Variants in COX5A observed in about 807,000 individuals in gnomAD.
The protein encoded by COX5A is cytochrome c oxidase subunit 5A.
Under a neutral mutation model 16.1 loss-of-function variants are expected in COX5A, and 6 were observed. The ratio of observed to expected loss-of-function variants is 0.37; its 90% CI spans 0.20 to 0.73. The LOEUF (loss-of-function observed/expected upper bound fraction) is 0.73, where lower values mean the gene tolerates loss of function less well. COX5A is among the 30% of genes least tolerant of loss of function. The pLI, the probability that COX5A is intolerant of heterozygous loss-of-function variation, is 0.50. For missense variants in COX5A, 159 were observed against 194.9 expected (o/e 0.82, Z 1.10); for synonymous variants, 73 against 73.8 (o/e 0.99, Z 0.06).
chr15:74,933,451 CTAT>C (rs1566981977), intron 1 of COX5A, among the ~76,000 whole-genome samples: 1 of 129,968 alleles, frequency 7.7e-6, no homozygotes, highest in Non-Finnish European at 1.6e-5. Context: ...ATCTATCTAT[CTAT>C]CTATCTATCT....
Position 74,926,884 on chromosome 15 carries a change from A to C in COX5A, c.221T>G (p.Ile74Arg). Residue 74 changes from isoleucine (I) to arginine (R), a missense_variant, in exon 3 of 5, where the codon ATA (isoleucine) becomes AGA (arginine). Coordinates refer to ENST00000322347, the MANE Select transcript of COX5A (RefSeq NM_004255.4). ...CATATCATAGGTAACAAGTGTGTTT[A>C]TCCCTGCAAAATTAAAAAGAAGGGC... ...DIDAWELRKG[I>R]NTLVTYDMVP... The C allele has an allele frequency of 6.2e-7, 1 of 1,608,702 alleles. No homozygotes were observed. Among genetic ancestry groups the C allele is most frequent in the Non-Finnish European group, 8.5e-7 (1 of 1,178,328 alleles).
chr15:74,936,911 G>C (rs1289510216), intron 1 of COX5A, among the ~76,000 whole-genome samples: 1 of 152,084 alleles, frequency 6.6e-6, no homozygotes, highest in Non-Finnish European at 1.5e-5. Context: ...TTACAGGCAT[G>C]AGCCACCGCG....
intron 1 of COX5A, among the ~76,000 whole-genome samples, chr15:74,933,454 T>C (rs1214323631): frequency 7.4e-6 from 1 of 134,308 alleles, no homozygotes; most frequent in Admixed American, 7.7e-5. Context: ...TATCTATCTA[T>C]CTATCTATCT....
intron 1 of COX5A, 115 bp downstream of exon 1, chr15:74,937,800 A>T: frequency 3.2e-6 from 2 of 626,232 alleles, no homozygotes; most frequent in Middle Eastern, 4.9e-4. Flanking sequence ...CACCGGGTTC[A>T]GTAACCAGGG....
intron 1 of COX5A, among the ~76,000 whole-genome samples, chr15:74,935,628 T>TAA (rs1281222073): frequency 6.8e-6 from 1 of 148,128 alleles, no homozygotes; most frequent in Non-Finnish European, 1.5e-5. Context: ...AATAAATAAA[T>TAA]AAAAAATTTT....
chr15:74,922,048 TAAAC>T (rs2065323616), intron 4 of COX5A, among the ~76,000 whole-genome samples: 1 of 151,430 alleles, frequency 6.6e-6, no homozygotes, highest in Admixed American at 6.6e-5. Context: ...ATAAATAAAT[TAAAC>T]AAAAACAAAC....
Position 74,938,069 on chromosome 15 carries a change from G to A in COX5A, c.-55C>T, listed in dbSNP as rs905554956. The A allele has an allele frequency of 8.7e-6, 10 of 1,143,654 alleles. 1 individual carries two copies. The African/African-American group carries it at 1.4e-4, about 17-fold the overall frequency. The allele number at this position is 1,143,654 out of a possible 1,614,324, so 70.8% of individuals were successfully genotyped here. A position where few individuals can be genotyped will look rare whatever the true frequency, so the allele number is the denominator to read the frequency against. On this transcript the variant is annotated 5_prime_UTR_variant, in exon 1 of 5. Transcript: ENST00000322347. ...CAGAGAGAAGCCGGTGTAAGCTCGC[G>A]GGTTGCTCCGGAGCGGGCGGGGGCC...
chr15:74,923,716 G>A lies in COX5A; in HGVS notation c.394C>T (p.Pro132Ser), dbSNP rs145443833. ...GAGATTCCCAGTTCATTTAAAGTTGGTCTAAGTTCCTGGATGACATAGGGG... is the reference window on the plus strand; with the variant it reads ...GAGATTCCCAGTTCATTTAAAGTTGATCTAAGTTCCTGGATGACATAGGGG... ...IYPYVIQELR[P>S]TLNELGISTP... Residue 132 changes from proline to serine, a missense_variant, in exon 4 of 5, where the codon CCA (proline) becomes TCA (serine). Physicochemically the swap from Pro to Ser is moderately conservative, Grantham distance 74. Coordinates refer to ENST00000322347, the MANE Select transcript of COX5A (RefSeq NM_004255.4). 9 of 1,611,882 alleles carry A rather than the reference G, an allele frequency of 5.6e-6. No homozygotes were observed. The highest frequency in any genetic ancestry group is 1.3e-5 in the African/African-American group (1 of 74,966).
At chr15:74,923,316 T>C (rs1361752980) in intron 4 of COX5A, among the ~76,000 whole-genome samples, 1 of 151,860 alleles carries the variant, frequency 6.6e-6, no homozygotes, top group Non-Finnish European at 1.5e-5. Context: ...TCCCAGCTAC[T>C]TGGGAGGCTG....
In COX5A at chr15:74,938,068, C is replaced by A. The variant is rs2065400627; in HGVS notation, c.-54G>T. The A allele has an allele frequency of 1.8e-6, 2 of 1,142,364 alleles. No homozygotes were observed. The highest frequency in any genetic ancestry group is 1.1e-6 in the Non-Finnish European group (1 of 908,418). 70.8% of individuals were successfully genotyped at this position (1,142,364 alleles called of 1,614,324 possible). A position where few individuals can be genotyped will look rare whatever the true frequency, so the allele number is the denominator to read the frequency against. On this transcript the variant is annotated 5_prime_UTR_variant, in exon 1 of 5. Transcript: ENST00000322347. Reference sequence around the variant, plus strand: ...ACAGAGAGAAGCCGGTGTAAGCTCGCGGGTTGCTCCGGAGCGGGCGGGGGC... The same window carrying A: ...ACAGAGAGAAGCCGGTGTAAGCTCGAGGGTTGCTCCGGAGCGGGCGGGGGC...
Position 74,920,103 on chromosome 15 carries a change from T to C in COX5A, c.*349A>G. 2 of 444,106 alleles carry C rather than the reference T, an allele frequency of 4.5e-6. No individual in the cohort carries two copies. The highest frequency in any genetic ancestry group is 7.8e-6 in the Non-Finnish European group (2 of 256,218). 27.5% of individuals were successfully genotyped at this position (444,106 alleles called of 1,614,324 possible). A position where few individuals can be genotyped will look rare whatever the true frequency, so the allele number is the denominator to read the frequency against. ...ATATAAATGACTTCTAGCCTTCAGC[T>C]AATTTACAAGCTAGGGCACCCAAAC... is the stretch of plus-strand genomic sequence containing the variant. On this transcript the variant is annotated 3_prime_UTR_variant, in exon 5 of 5. Transcript: ENST00000322347.
intron 3 of COX5A, among the ~76,000 whole-genome samples, chr15:74,924,443 C>T (rs1416094198): frequency 6.6e-6 from 1 of 152,054 alleles, no homozygotes; most frequent in African/African-American, 2.4e-5. Flanking sequence ...AATGCTTGAA[C>T]TAGGGAGGCG....
At chr15:74,935,162 G>T (rs1331033734) in intron 1 of COX5A, among the ~76,000 whole-genome samples, 1 of 152,154 alleles carries the variant, frequency 6.6e-6, no homozygotes, top group Non-Finnish European at 1.5e-5. Flanking sequence ...GGGTGCAGTG[G>T]CTCTCGCTTG....
At chr15:74,929,349 G>A (rs1267308325) in intron 1 of COX5A, 117 bp from the exon 2 acceptor site, 1 of 686,320 alleles carries the variant, frequency 1.5e-6, no homozygotes, top group Non-Finnish European at 2.6e-6. Flanking sequence ...TATTGAACAG[G>A]TCAAATGAAA....
chr15:74,926,943 G>A, intron 2 of COX5A, 56 bp from the exon 3 acceptor site: 2 of 1,566,280 alleles, frequency 1.3e-6, no homozygotes, highest in Admixed American at 1.9e-5. Flanking sequence ...CTTAAACTAT[G>A]AGTTATTTAT....
chr15:74,937,612 G>C (rs978825971), intron 1 of COX5A: 11 of 246,072 alleles, frequency 4.5e-5, no homozygotes, highest in African/African-American at 2.5e-4. Context: ...TCGGCGCTGG[G>C]GCAGGGTCAT....
intron 3 of COX5A, among the ~76,000 whole-genome samples, chr15:74,923,978 G>A (rs576278305): frequency 1.1e-4 from 16 of 151,918 alleles, no homozygotes; most frequent in East Asian, 1.9e-4. Flanking sequence ...TCAGGAGTTC[G>A]AGACCAGCCT....
intron 1 of COX5A, among the ~76,000 whole-genome samples, chr15:74,936,403 T>C (rs1374077016): frequency 6.6e-6 from 1 of 151,818 alleles, no homozygotes; most frequent in Non-Finnish European, 1.5e-5. Context: ...TAAAGTACAC[T>C]CTAGGTTGGC....
chr15:74,931,585 A>G (rs550177486), intron 1 of COX5A, among the ~76,000 whole-genome samples: 124 of 141,702 alleles, frequency 8.8e-4, no homozygotes, highest in Non-Finnish European at 1.7e-3. Flanking sequence ...ATCGAGTCTC[A>G]CTCTGTCACC....
Sources: allele counts gnomAD v4.1 joint callset (sites outside exome capture counted in the v4.1 genomes callset), GRCh38; gene constraint gnomAD v4.1.1; transcripts MANE v1.5; gene names NCBI Gene and HGNC (gene_info 2026-07-23, HGNC 2026-07-21).